The following QSER1 variants were observed in gnomAD, a reference collection of about 807,000 sequenced individuals.
QSER1 encodes glutamine and serine rich 1.
In QSER1, 49 loss-of-function variants were observed where a neutral mutation model predicts 158.5. That is an observed-to-expected ratio of 0.31 (90% CI 0.25 to 0.39). The LOEUF is 0.39. Among genes scored for constraint, QSER1 ranks in the 10% least tolerant of loss-of-function variants. The pLI is 1.00. For missense variants in QSER1, 1,754 were observed against 2,010.3 expected, an observed-to-expected ratio of 0.87 and a Z score of 2.44; for synonymous variants, 650 against 715.5, an observed-to-expected ratio of 0.91 and a Z score of 1.46.
chr11:32,950,478 T>C (rs1301725886), intron 4 of QSER1, among the ~76,000 whole-genome samples: 1 of 152,224 alleles, frequency 6.6e-6, no homozygotes, highest in East Asian at 1.9e-4. Flanking sequence ...ACTGGAATTT[T>C]ACATGTTATT....
intron 4 of QSER1, among the ~76,000 whole-genome samples, chr11:32,950,460 G>C (rs184217137): frequency 6.6e-5 from 10 of 152,210 alleles, no homozygotes; most frequent in Admixed American, 3.3e-4. Flanking sequence ...GTATTATTCA[G>C]ACTTACCACT....
chr11:32,943,089 C>T (rs1055426146), intron 4 of QSER1, among the ~76,000 whole-genome samples: 2 of 151,194 alleles, frequency 1.3e-5, no homozygotes, highest in African/African-American at 4.8e-5. Flanking sequence ...ATTTTGTATC[C>T]TGAGACTTTG....
At chr11:32,918,121 A>T (rs945738205) in intron 1 of QSER1, among the ~76,000 whole-genome samples, 1 of 152,152 alleles carries the variant, frequency 6.6e-6, no homozygotes, top group Admixed American at 6.5e-5. Context: ...TTGAGAGATT[A>T]TTGAGCTCTA....
intron 4 of QSER1, among the ~76,000 whole-genome samples, chr11:32,938,997 G>C (rs1248485542): frequency 6.6e-6 from 1 of 152,096 alleles, no homozygotes. Flanking sequence ...TGAAACTAGG[G>C]TTAGGTGCTA....
At chr11:32,929,868 T>C (rs1000541720) in intron 3 of QSER1, among the ~76,000 whole-genome samples, 1 of 152,248 alleles carries the variant, frequency 6.6e-6, no homozygotes, top group Non-Finnish European at 1.5e-5. Flanking sequence ...TTTATCACTC[T>C]ACTGGATAGA....
intron 1 of QSER1, among the ~76,000 whole-genome samples, chr11:32,901,033 A>G (rs1346782547): frequency 1.3e-5 from 2 of 152,232 alleles, no homozygotes; most frequent in African/African-American, 2.4e-5. Flanking sequence ...TCTTGTTCAC[A>G]TCTGTACAAG....
chr11:32,896,720 T>C (rs1590703134), intron 1 of QSER1, among the ~76,000 whole-genome samples: 1 of 152,298 alleles, frequency 6.6e-6, no homozygotes, highest in Non-Finnish European at 1.5e-5. Flanking sequence ...GAAATAACTT[T>C]TGGCACCAGT....
At position 32,893,605 on chromosome 11, in the gene QSER1, G is replaced by C. The variant is rs1851515200; in HGVS notation, c.209+271G>C. On this transcript the variant is annotated intron_variant, in intron 1 of 12. Coordinates refer to ENST00000650167, the MANE Select transcript of QSER1 (RefSeq NM_001076786.3). The surrounding 1 kb of genome is among the most constrained non-coding windows in gnomAD (Gnocchi z 4.7). ...GGCTCCGTCACCTCTTGGGTCCTGG[G>C]CTCTCACATGGTGAAGTTTGGGCTC... Among the ~76,000 whole-genome samples, 1 of 152,180 alleles carries C rather than the reference G, an allele frequency of 6.6e-6. No individual in the cohort carries two copies. The highest frequency in any genetic ancestry group is 2.4e-5 in the African/African-American group (1 of 41,442).
intron 8 of QSER1, among the ~76,000 whole-genome samples, chr11:32,961,065 G>GT (rs1037749505): frequency 4.6e-5 from 7 of 151,646 alleles, no homozygotes; most frequent in East Asian, 1.9e-4. Flanking sequence ...AATGTGAGGT[G>GT]TTTTTTTTAA....
intron 1 of QSER1, among the ~76,000 whole-genome samples, chr11:32,905,038 T>C (rs1482514808): frequency 6.6e-6 from 1 of 152,250 alleles, no homozygotes; most frequent in Non-Finnish European, 1.5e-5. Context: ...TATTCTACTT[T>C]TACTTGTCTA....
At position 32,976,597 on chromosome 11, in the gene QSER1, C is replaced by T; in HGVS notation, c.*123C>T. 1.9e-6 allele frequency: 2 copies of T among 1,040,508 alleles called. No homozygotes were observed. The highest frequency in any genetic ancestry group is 2.9e-6 in the Non-Finnish European group (2 of 695,274). 64.5% of individuals were successfully genotyped at this position (1,040,508 alleles called of 1,614,324 possible). A position where few individuals can be genotyped will look rare whatever the true frequency, so the allele number is the denominator to read the frequency against. The stretch of plus-strand genomic sequence containing the variant: ...CCGGCCGCTTCCATCATGGAACTGT[C>T]ATTACCACCTCTGCTGAAGGACAGT... On this transcript the variant is annotated 3_prime_UTR_variant, in exon 13 of 13. Transcript: ENST00000650167.
Position 32,945,415 on chromosome 11 carries a change from C to T in QSER1, c.4178-8442C>T, listed in dbSNP as rs1458817096. The stretch of plus-strand genomic sequence containing the variant: ...ATGTTTAGCGCTTCCTTCAGGAGCT[C>T]TTTTAGGGCAGGCCTGGTGGTGACA... On this transcript the variant is annotated intron_variant, in intron 4 of 12. Transcript: ENST00000650167. 3.3e-5 allele frequency among the ~76,000 whole-genome samples: 5 copies of T among 150,726 alleles called. No individual in the cohort carries two copies. In the East Asian group the frequency reaches 9.7e-4, roughly 29 times the overall value.
At chr11:32,894,947 T>C (rs1265379835) in intron 1 of QSER1, among the ~76,000 whole-genome samples, 1 of 152,192 alleles carries the variant, frequency 6.6e-6, no homozygotes, top group Non-Finnish European at 1.5e-5. Flanking sequence ...CAAATGAAAA[T>C]TACTTTCTCA....
At chr11:32,966,217 C>T in intron 8 of QSER1, 83 bp from the exon 9 acceptor site, 1 of 1,429,314 alleles carries the variant, frequency 7.0e-7, no homozygotes, top group Non-Finnish European at 9.6e-7. Context: ...CTGCAATCTG[C>T]TTCTAGGGTC....
Position 32,934,795 on chromosome 11 carries a change from A to G in QSER1, c.3537A>G (p.Gln1179=). The G allele has an allele frequency of 6.2e-7, 1 of 1,614,078 alleles. No homozygotes were observed. Among genetic ancestry groups the G allele is most frequent in the Non-Finnish European group, 8.5e-7 (1 of 1,180,006 alleles). ...CACTTGCACTGTTGGCCATGGCCCA[A>G]TCTGGGGATGCAGTCAGTGTCAAGA... ...RSALALLAMA[Q]SGDAVSVKIE... Residue 1179 remains glutamine, a synonymous_variant, in exon 4 of 13, where the codon CAA becomes CAG. Transcript: ENST00000650167.
rs533685461 is a variant in QSER1, at chr11:32,901,653, T to C, written c.209+8319T>C. 3.3e-5 allele frequency among the ~76,000 whole-genome samples: 5 copies of C among 152,256 alleles called. No homozygotes were observed. In the South Asian group the frequency reaches 1.0e-3, roughly 32 times the overall value. ...AAGCAGTCCCTGGTCCATTGCAGAA[T>C]TGTCATGGGAGGGAAACTACACAAA... is the stretch of plus-strand genomic sequence containing the variant. On this transcript the variant is annotated intron_variant, in intron 1 of 12. Transcript: ENST00000650167.
chr11:32,899,509 G>T (rs1286438086), intron 1 of QSER1, among the ~76,000 whole-genome samples: 1 of 152,190 alleles, frequency 6.6e-6, no homozygotes, highest in Non-Finnish European at 1.5e-5. Context: ...ACCTGCAATT[G>T]TTAAGGCAGT....
intron 1 of QSER1, among the ~76,000 whole-genome samples, chr11:32,909,380 A>T (rs1009546409): frequency 9.9e-5 from 15 of 152,098 alleles, no homozygotes; most frequent in African/African-American, 2.4e-4. Flanking sequence ...ATTTTTTTTT[A>T]AACTAAAAGA....
intron 1 of QSER1, among the ~76,000 whole-genome samples, chr11:32,914,270 AT>A (rs1851806451): frequency 6.6e-6 from 1 of 152,180 alleles, no homozygotes; most frequent in Non-Finnish European, 1.5e-5. Context: ...ATTCTACAAG[AT>A]TATGTACTTT....
Sources: allele counts gnomAD v4.1 joint callset (sites outside exome capture counted in the v4.1 genomes callset), GRCh38; gene constraint gnomAD v4.1.1; non-coding constraint Gnocchi (gnomAD v3.1); transcripts MANE v1.5; gene names NCBI Gene and HGNC (gene_info 2026-07-23, HGNC 2026-07-21).